THSD7B: variants seen among roughly 807,000 people sequenced by gnomAD.
THSD7B encodes the protein thrombospondin type-1 domain-containing protein 7B.
THSD7B carries 138 observed loss-of-function variants against 213.6 expected under a neutral mutation model. That is an observed-to-expected ratio of 0.65 (90% confidence interval 0.56 to 0.74). The LOEUF is 0.74. THSD7B is among the 30% of genes least tolerant of loss of function. The pLI is 0.00. For synonymous variants in THSD7B, 742 were observed against 687.0 expected, an observed-to-expected ratio of 1.08 and a Z score of -1.25; for missense variants, 1,931 against 1,991.5, an observed-to-expected ratio of 0.97 and a Z score of 0.58.
intron 12 of THSD7B, among the ~76,000 whole-genome samples, chr2:137,343,719 A>G (rs540643267): frequency 1.3e-5 from 2 of 151,962 alleles, no homozygotes; most frequent in East Asian, 1.9e-4. Context: ...GTCTGCACTA[A>G]AAGACATGTT....
chr2:137,597,959 A>G (rs1183792715), intron 17 of THSD7B, among the ~76,000 whole-genome samples: 1 of 152,132 alleles, frequency 6.6e-6, no homozygotes, highest in Non-Finnish European at 1.5e-5. Flanking sequence ...CCTAAGATAA[A>G]TAAATGGTAG....
chr2:137,619,923 A>T (rs1477288442), intron 19 of THSD7B, among the ~76,000 whole-genome samples: 1 of 152,174 alleles, frequency 6.6e-6, no homozygotes, highest in Non-Finnish European at 1.5e-5. Context: ...TGAATGTCAA[A>T]GTTTTCCTAA....
chr2:136,813,642 A>T (rs1202682002), intron 1 of THSD7B, among the ~76,000 whole-genome samples: 1 of 150,744 alleles, frequency 6.6e-6, no homozygotes. Context: ...CTATTCTATC[A>T]TTTTTTTTTT....
intron 10 of THSD7B, among the ~76,000 whole-genome samples, chr2:137,246,564 GT>G (rs1682045082): frequency 6.6e-6 from 1 of 152,012 alleles, no homozygotes; most frequent in South Asian, 2.1e-4. Flanking sequence ...AAACATAAAG[GT>G]ATTTTCAAGC....
At chr2:137,424,152 A>G (rs1026768509) in intron 14 of THSD7B, among the ~76,000 whole-genome samples, 3 of 152,134 alleles carry the variant, frequency 2.0e-5, no homozygotes, top group Admixed American at 1.3e-4. Flanking sequence ...TACCATGACA[A>G]AAATTAACAA....
At chr2:137,056,340 G>A (rs1175724111) in intron 2 of THSD7B, 80 bp from the exon 3 acceptor site, 2 of 1,393,026 alleles carry the variant, frequency 1.4e-6, no homozygotes, top group Admixed American at 2.3e-5. Context: ...GTTGGAAAGT[G>A]TGTTAATTGA....
chr2:137,109,037 C>A (rs1457271812), intron 4 of THSD7B, among the ~76,000 whole-genome samples: 1 of 152,152 alleles, frequency 6.6e-6, no homozygotes, highest in Non-Finnish European at 1.5e-5. Flanking sequence ...CAGGTCTAAT[C>A]CATTAGAAGG....
intron 12 of THSD7B, among the ~76,000 whole-genome samples, chr2:137,294,361 T>A (rs1683406677): frequency 6.6e-6 from 1 of 151,924 alleles, no homozygotes; most frequent in Non-Finnish European, 1.5e-5. Context: ...GGCAGGTGGA[T>A]CACCTGAGGT....
chr2:137,377,093 T>C (rs1685673738), intron 12 of THSD7B, among the ~76,000 whole-genome samples: 1 of 152,192 alleles, frequency 6.6e-6, no homozygotes, highest in Non-Finnish European at 1.5e-5. Flanking sequence ...AATTGATTCA[T>C]AGATATTTAT....
intron 12 of THSD7B, among the ~76,000 whole-genome samples, chr2:137,378,027 C>T (rs976549769): frequency 7.2e-5 from 11 of 152,126 alleles, no homozygotes; most frequent in Admixed American, 3.3e-4. Flanking sequence ...CCAAGAGAAA[C>T]ACCTTAGCAG....
chr2:136,768,966 C>T (rs925095499), intron 1 of THSD7B, among the ~76,000 whole-genome samples: 1 of 152,238 alleles, frequency 6.6e-6, no homozygotes, highest in East Asian at 1.9e-4. Flanking sequence ...TTTAACTCCA[C>T]TTCTAGTCTA....
rs761435560 is a variant in THSD7B, at chr2:137,056,496, C to T, written c.216C>T (p.Asp72=). 8.1e-6 allele frequency: 13 copies of T among 1,613,804 alleles called. No individual in the cohort carries two copies. Among genetic ancestry groups the T allele is most frequent in the African/African-American group, 2.7e-5 (2 of 74,898 alleles). Reference sequence around the variant, plus strand: ...GGGCAGTGTGGTGTTTTCATGTTGACGGGTGGACAAGTCACCTGTCTAACT... The same window carrying T: ...GGGCAGTGTGGTGTTTTCATGTTGATGGGTGGACAAGTCACCTGTCTAACT... ...QSRAVWCFHV[D]GWTSHLSNCG... is the part of the protein sequence containing the mutation. Residue 72 remains aspartate, a synonymous_variant, in exon 3 of 28, where the codon GAC becomes GAT. Transcript: ENST00000409968.
chr2:137,126,681 T>G (rs1281655401), intron 5 of THSD7B, among the ~76,000 whole-genome samples: 1 of 152,202 alleles, frequency 6.6e-6, no homozygotes, highest in Non-Finnish European at 1.5e-5. Context: ...AACTTTTTCT[T>G]TGCATTCAGA....
chr2:136,906,965 T>TTTTTTTTTTTTTTTTTA (rs1491028452), intron 2 of THSD7B, among the ~76,000 whole-genome samples: 1 of 102,598 alleles, frequency 9.7e-6, no homozygotes, highest in Admixed American at 1.2e-4. Flanking sequence ...TTTTTTTTTT[T>TTTTTTTTTTTTTTTTTA]AGAGGGTCTG....
intron 17 of THSD7B, among the ~76,000 whole-genome samples, chr2:137,614,674 C>T (rs1682350425): frequency 6.6e-6 from 1 of 152,136 alleles, no homozygotes. Flanking sequence ...TGCTTGGTTT[C>T]ATGGGCCCTT....
At chr2:137,656,163 A>G (rs1449802758) in intron 22 of THSD7B, among the ~76,000 whole-genome samples, 1 of 152,222 alleles carries the variant, frequency 6.6e-6, no homozygotes, top group Non-Finnish European at 1.5e-5. Context: ...GTATCAGTTT[A>G]TCTTAATCCT....
Position 137,056,643 on chromosome 2 carries a change from C to T in THSD7B, c.363C>T (p.Arg121=). 3.1e-6 allele frequency: 5 copies of T among 1,613,946 alleles called. No homozygotes were observed. The highest frequency in any genetic ancestry group is 1.1e-5 in the South Asian group (1 of 91,080). ...WHHCVLVPYA[R]GEVKPRTAEC... Reference sequence around the variant, plus strand: ...ACTGTGTGCTTGTTCCTTACGCTCGCGGTGAAGTCAAGCCTCGGACTGCAG... The same window carrying T: ...ACTGTGTGCTTGTTCCTTACGCTCGTGGTGAAGTCAAGCCTCGGACTGCAG... Residue 121 remains arginine, a synonymous_variant, in exon 3 of 28, where the codon CGC becomes CGT. Coordinates refer to ENST00000409968, the MANE Select transcript of THSD7B (RefSeq NM_001316349.2).
intron 12 of THSD7B, among the ~76,000 whole-genome samples, chr2:137,356,178 C>G (rs564973959): frequency 2.6e-4 from 40 of 152,130 alleles, no homozygotes; most frequent in Non-Finnish European, 4.3e-4. Flanking sequence ...GGTGGGCTAA[C>G]AAATTTGCAT....
At chr2:137,001,288 T>C (rs1003770998) in intron 2 of THSD7B, among the ~76,000 whole-genome samples, 1 of 152,160 alleles carries the variant, frequency 6.6e-6, no homozygotes, top group Admixed American at 6.6e-5. Flanking sequence ...CTGAATTCTA[T>C]GTATAATGAA....
Sources: gnomAD v4.1 joint callset for allele counts (sites outside exome capture counted in the v4.1 genomes callset) on GRCh38, gnomAD v4.1.1 for gene constraint, MANE v1.5 for transcripts, NCBI Gene and HGNC (gene_info 2026-07-23, HGNC 2026-07-21) for gene names.